The following HDGFL2 variants were observed in gnomAD, a reference collection of about 807,000 sequenced individuals.
HDGFL2 encodes the protein hepatoma-derived growth factor-related protein 2.
Under a neutral mutation model 77.1 loss-of-function variants are expected in HDGFL2, and 36 were observed. The observed-to-expected ratio is 0.47, with a 90% CI of 0.36 to 0.62. HDGFL2 has a LOEUF of 0.62. Ranked by LOEUF, HDGFL2 falls within the 20% of genes least tolerant of loss-of-function variation. HDGFL2 has a pLI of 0.00. For synonymous variants in HDGFL2, 463 were observed against 413.1 expected, an observed-to-expected ratio of 1.12 and a Z score of -1.46; for missense variants, 976 against 973.4, an observed-to-expected ratio of 1.00 and a Z score of -0.04.
chr19:4,476,323 G>C (rs1232295780), intron 3 of HDGFL2, among the ~76,000 whole-genome samples: 3 of 150,420 alleles, frequency 2.0e-5, no homozygotes, highest in Non-Finnish European at 4.4e-5. Flanking sequence ...CGCCCGAGTT[G>C]CTGGGATTAC....
chr19:4,488,245 A>G (rs1033817093), intron 3 of HDGFL2, among the ~76,000 whole-genome samples: 3 of 152,206 alleles, frequency 2.0e-5, no homozygotes, highest in Non-Finnish European at 4.4e-5. Context: ...TGCTGGGATT[A>G]TAGGCGTGAG....
chr19:4,475,407 T>G, intron 2 of HDGFL2, 38 bp from the exon 3 acceptor site: 1 of 1,613,900 alleles, frequency 6.2e-7, no homozygotes, highest in South Asian at 1.1e-5. Context: ...CGGGGTGGCC[T>G]CACTCACCTG....
chr19:4,472,540 GGGGGTCTGGGGTTCAT>G, intron 1 of HDGFL2, 118 bp downstream of exon 1: 1 of 604,104 alleles, frequency 1.7e-6, no homozygotes, highest in Non-Finnish European at 2.4e-6. Flanking sequence ...GCTGCGCCCC[GGGGGTCTGGGGTTCAT>G]GGGGTCTGGG....
At chr19:4,473,519 G>A (rs1974997362) in intron 1 of HDGFL2, among the ~76,000 whole-genome samples, 1 of 151,884 alleles carries the variant, frequency 6.6e-6, no homozygotes, top group Non-Finnish European at 1.5e-5. Flanking sequence ...CTTGAGATTT[G>A]GGGTCAGATA....
chr19:4,485,353 A>G (rs1379105624), intron 3 of HDGFL2, among the ~76,000 whole-genome samples: 1 of 151,962 alleles, frequency 6.6e-6, no homozygotes. Context: ...GTTTCTTTTC[A>G]TGGCCAAGTC....
chr19:4,493,434 A>C (rs1975602045), intron 6 of HDGFL2, among the ~76,000 whole-genome samples: 1 of 152,038 alleles, frequency 6.6e-6, no homozygotes, highest in Non-Finnish European at 1.5e-5. Flanking sequence ...CCCCACTGGG[A>C]AACCCGGGCT....
At chr19:4,473,431 C>T (rs575430428) in intron 1 of HDGFL2, among the ~76,000 whole-genome samples, 1 of 151,840 alleles carries the variant, frequency 6.6e-6, no homozygotes, top group South Asian at 2.1e-4. Context: ...GGGTCTGGGA[C>T]CTGAGGGACC....
At chr19:4,480,271 G>T (rs1975180409) in intron 3 of HDGFL2, among the ~76,000 whole-genome samples, 1 of 152,174 alleles carries the variant, frequency 6.6e-6, no homozygotes, top group Non-Finnish European at 1.5e-5. Context: ...CTGAGCTGGG[G>T]TCAGAAACCA....
intron 4 of HDGFL2, among the ~76,000 whole-genome samples, chr19:4,490,889 G>T (rs1400208630): frequency 6.6e-6 from 1 of 151,192 alleles, no homozygotes; most frequent in East Asian, 1.9e-4. Context: ...TCGGCTCACC[G>T]CAACCTCTGC....
chr19:4,491,230 T>G (rs1040460544), intron 4 of HDGFL2, among the ~76,000 whole-genome samples: 24 of 143,106 alleles, frequency 1.7e-4, no homozygotes, highest in Non-Finnish European at 1.7e-4. Context: ...TGCTGTCCCA[T>G]GAAACACTCA....
chr19:4,501,439 A>G, intron 15 of HDGFL2, 122 bp downstream of exon 15: 1 of 1,206,854 alleles, frequency 8.3e-7, no homozygotes, highest in Non-Finnish European at 1.1e-6. Flanking sequence ...TGTCGTCCTT[A>G]CTCGGGCCTC....
At position 4,498,163 on chromosome 19, in the gene HDGFL2, G is replaced by A. The variant is rs1046708201; in HGVS notation, c.1402+132G>A. 1.4e-5 allele frequency: 16 copies of A among 1,127,076 alleles called. No individual in the cohort carries two copies. In the Admixed American group the frequency reaches 1.9e-4, roughly 14 times the overall value. 69.8% of individuals were successfully genotyped at this position (1,127,076 alleles called of 1,614,324 possible). A position where few individuals can be genotyped will look rare whatever the true frequency, so the allele number is the denominator to read the frequency against. ...CACATCCTCGGCCGGCCTGGCCGGCGGTGCCTCCAGGGGTGGGGGCTGAGC... is the reference window on the plus strand; with the variant it reads ...CACATCCTCGGCCGGCCTGGCCGGCAGTGCCTCCAGGGGTGGGGGCTGAGC... On this transcript the variant is annotated intron_variant, in intron 11 of 15. Transcript: ENST00000616600.
chr19:4,478,197 G>GTTTTTTT (rs113038095), intron 3 of HDGFL2, among the ~76,000 whole-genome samples: 2 of 140,476 alleles, frequency 1.4e-5, no homozygotes, highest in Non-Finnish European at 1.5e-5. Context: ...GGATGCTGCT[G>GTTTTTTT]TTTTTTTTTT....
Position 4,488,846 on chromosome 19 carries a change from T to C in HDGFL2, c.459T>C (p.Ser153=), listed in dbSNP as rs1351499612. The C allele has an allele frequency of 6.4e-7, 1 of 1,551,034 alleles. No individual in the cohort carries two copies. The highest frequency in any genetic ancestry group is 1.2e-5 in the South Asian group (1 of 84,032). The stretch of plus-strand genomic sequence containing the variant: ...ACTCAGACAAGAGTAGCGACAACAG[T>C]GGCCTGAAGAGGAAGACGCCTGCGC... The part of the protein sequence containing the change: ...DSDSDKSSDN[S]GLKRKTPALK... The change falls in exon 4 of 16, where the codon AGT becomes AGC. Residue 153 remains serine, a synonymous_variant. Transcript: ENST00000616600.
intron 3 of HDGFL2, among the ~76,000 whole-genome samples, chr19:4,477,138 C>T (rs1443496237): frequency 2.6e-5 from 4 of 152,092 alleles, no homozygotes; most frequent in Non-Finnish European, 5.9e-5. Context: ...GTCTGTGCCT[C>T]TCCTTTGTTT....
chr19:4,493,589 C>G lies in HDGFL2; in HGVS notation c.679-114C>G, dbSNP rs968238019. 5.6e-6 allele frequency: 7 copies of G among 1,257,830 alleles called. No homozygotes were observed. The Admixed American group carries it at 1.6e-4, about 28-fold the overall frequency. 77.9% of individuals were successfully genotyped at this position (1,257,830 alleles called of 1,614,324 possible). A position where few individuals can be genotyped will look rare whatever the true frequency, so the allele number is the denominator to read the frequency against. The stretch of plus-strand genomic sequence containing the variant: ...GGGGATTCGGAGCCGGGCCCTGAGC[C>G]GAGGCCCGCAGAGCCTGGCGGCTGC... On this transcript the variant is annotated intron_variant, in intron 6 of 15. Coordinates refer to ENST00000616600, the MANE Select transcript of HDGFL2 (RefSeq NM_001001520.3).
chr19:4,491,600 G>A lies in HDGFL2; in HGVS notation c.524G>A (p.Ser175Asn), dbSNP rs768648130. The A allele has an allele frequency of 3.7e-6, 6 of 1,613,942 alleles. No homozygotes were observed. In the South Asian group the frequency reaches 6.6e-5, roughly 18 times the overall value. The change falls in exon 5 of 16, where the codon AGC becomes AAC. Residue 175 changes from serine to asparagine, a missense_variant. Physicochemically the swap from Ser to Asn is conservative, Grantham distance 46 (BLOSUM62 1). Coordinates refer to ENST00000616600, the MANE Select transcript of HDGFL2 (RefSeq NM_001001520.3). Reference sequence around the variant, plus strand: ...TCGAAACGAGCCCGAAAGGCCTCCAGCGACCTGGATCAGGCCAGCGTGTCC... The same window carrying A: ...TCGAAACGAGCCCGAAAGGCCTCCAACGACCTGGATCAGGCCAGCGTGTCC... ...SVSKRARKAS[S>N]DLDQASVSPS...
chr19:4,481,648 G>T (rs1975220934), intron 3 of HDGFL2, among the ~76,000 whole-genome samples: 2 of 151,928 alleles, frequency 1.3e-5, no homozygotes, highest in Non-Finnish European at 2.9e-5. Flanking sequence ...TTTTAGTAGA[G>T]ATTTCACTAT....
chr19:4,493,988 A>G lies in HDGFL2; in HGVS notation c.845A>G (p.Lys282Arg). The G allele has an allele frequency of 6.2e-7, 1 of 1,609,990 alleles. No homozygotes were observed. The highest frequency in any genetic ancestry group is 8.5e-7 in the Non-Finnish European group (1 of 1,178,600). The change falls in exon 8 of 16, where the codon AAG becomes AGG. Residue 282 changes from lysine (K) to arginine (R), a missense_variant. Around this residue, in one of 5 missense-constraint regions of HDGFL2, gnomAD observed 567 missense variants for 534.7 expected, o/e 1.06. Transcript: ENST00000616600. ...CCTCCTCCTCTTCCTGTAGCGGAGA[A>G]GCCTCTCCCGAAGCCGCGAGGGCGG... ...KPPRGRKPAE[K>R]PLPKPRGRKP...
Sources: gnomAD v4.1 joint callset for allele counts (sites outside exome capture counted in the v4.1 genomes callset) on GRCh38, gnomAD v4.1.1 for gene constraint, gnomAD v4.1.1 regional missense constraint, MANE v1.5 for transcripts, NCBI Gene and HGNC (gene_info 2026-07-23, HGNC 2026-07-21) for gene names.